Variants in SEM1 observed in about 807,000 individuals in gnomAD.
The protein encoded by SEM1 is SEM1 26S proteasome subunit, also known as 26S proteasome complex subunit SEM1.
Under a neutral mutation model 12.7 loss-of-function variants are expected in SEM1, and 3 were observed. The observed-to-expected ratio is 0.24, with a 90% CI of 0.11 to 0.61. The LOEUF is 0.61. Ranked by LOEUF, SEM1 falls within the 20% of genes least tolerant of loss-of-function variation. The pLI is 0.88. For synonymous variants in SEM1, 30 were observed against 27.8 expected, an observed-to-expected ratio of 1.08 and a Z score of -0.25; for missense variants, 59 against 81.3, an observed-to-expected ratio of 0.73 and a Z score of 1.06.
chr7:96,639,111 T>C (rs533270598), intron 2 of SEM1, among the ~76,000 whole-genome samples: 1 of 152,158 alleles, frequency 6.6e-6, no homozygotes, highest in East Asian at 1.9e-4. Context: ...CTTTGTCAAG[T>C]ACTCTTAATA....
downstream of SEM1, among the ~76,000 whole-genome samples, chr7:96,670,974 C>G (rs1450709279): frequency 6.6e-6 from 1 of 152,144 alleles, no homozygotes; most frequent in Non-Finnish European, 1.5e-5. Flanking sequence ...TTTGTTGATT[C>G]CACGAAAATG....
At chr7:96,532,936 A>G (rs1182211422) in intron 2 of SEM1, among the ~76,000 whole-genome samples, 1 of 152,046 alleles carries the variant, frequency 6.6e-6, no homozygotes, top group Non-Finnish European at 1.5e-5. Flanking sequence ...CCTGAACTGC[A>G]CTTGCTAATA....
intron 2 of SEM1, among the ~76,000 whole-genome samples, chr7:96,636,831 G>A (rs1808442702): frequency 6.6e-6 from 1 of 152,042 alleles, no homozygotes; most frequent in African/African-American, 2.4e-5. Context: ...TGTTATTGCT[G>A]TGGGTTTTGG....
intron 2 of SEM1, among the ~76,000 whole-genome samples, chr7:96,564,130 C>CA (rs1805774598): frequency 6.6e-6 from 1 of 151,944 alleles, no homozygotes; most frequent in African/African-American, 2.4e-5. Context: ...GATAAATAGA[C>CA]AATGATAAAT....
chr7:96,655,171 C>A (rs1038038901), intron 2 of SEM1, among the ~76,000 whole-genome samples: 2 of 152,046 alleles, frequency 1.3e-5, no homozygotes, highest in Admixed American at 1.3e-4. Context: ...AGCAGAGGTA[C>A]CAGAGATTAA....
At chr7:96,554,520 C>G (rs1017070698) in intron 2 of SEM1, among the ~76,000 whole-genome samples, 2 of 144,332 alleles carry the variant, frequency 1.4e-5, no homozygotes, top group African/African-American at 2.6e-5. Context: ...GTATATTGAA[C>G]CAGCCTTGCA....
At chr7:96,691,112 G>A (rs940541666) in intron 2 of SEM1, among the ~76,000 whole-genome samples, 2 of 152,110 alleles carry the variant, frequency 1.3e-5, no homozygotes, top group Middle Eastern at 6.8e-3. Flanking sequence ...CGTGAAATAG[G>A]GTTGAGAAAA....
chr7:96,681,884 A>C (rs1034826683), intron 2 of SEM1, among the ~76,000 whole-genome samples: 5 of 152,104 alleles, frequency 3.3e-5, no homozygotes, highest in African/African-American at 1.2e-4. Context: ...TTTTGGTTTC[A>C]TATGAAATTT....
chr7:96,697,187 C>A (rs1412464262), intron 1 of SEM1: 8 of 149,318 alleles, frequency 5.4e-5, no homozygotes, highest in Non-Finnish European at 7.4e-5. Flanking sequence ...AAAAAAAAAA[C>A]CCTACATTTT....
chr7:96,486,461 G>T, intron 1 of SEM1: 1 of 1,494,494 alleles, frequency 6.7e-7, no homozygotes. Flanking sequence ...TTTCAGGCTG[G>T]CAGGAGGTGA....
chr7:96,654,997 C>T (rs886855255), intron 2 of SEM1, among the ~76,000 whole-genome samples: 3 of 152,140 alleles, frequency 2.0e-5, no homozygotes, highest in East Asian at 3.9e-4. Flanking sequence ...GGCTCCAGGC[C>T]AGTAGTTGAC....
intron 2 of SEM1, among the ~76,000 whole-genome samples, chr7:96,520,859 G>C (rs936708858): frequency 6.6e-6 from 1 of 152,064 alleles, no homozygotes; most frequent in Non-Finnish European, 1.5e-5. Flanking sequence ...TTATCGGAGA[G>C]AGTCTGGCCC....
chr7:96,521,816 G>C (rs4427102), intron 2 of SEM1, among the ~76,000 whole-genome samples: 1 of 151,856 alleles, frequency 6.6e-6, no homozygotes, highest in African/African-American at 2.4e-5. Flanking sequence ...CCTGGGGTTT[G>C]CCATTCTCTG....
At chr7:96,547,045 A>G (rs1805122276) in intron 2 of SEM1, among the ~76,000 whole-genome samples, 1 of 152,142 alleles carries the variant, frequency 6.6e-6, no homozygotes, top group Non-Finnish European at 1.5e-5. Context: ...GTGAGCTTAG[A>G]CTACAAGAAC....
At chr7:96,581,370 G>T (rs1477260479) in intron 2 of SEM1, among the ~76,000 whole-genome samples, 1 of 152,080 alleles carries the variant, frequency 6.6e-6, no homozygotes, top group African/African-American at 2.4e-5. Context: ...TTTGGTGACT[G>T]TAGCCTTGTA....
intron 2 of SEM1, among the ~76,000 whole-genome samples, chr7:96,513,386 C>T (rs754453379): frequency 1.6e-4 from 24 of 152,042 alleles, no homozygotes; most frequent in Non-Finnish European, 2.9e-4. Flanking sequence ...CCCCAGGAAA[C>T]TCATACAAAA....
chr7:96,646,934 A>G (rs1014204297), intron 2 of SEM1, among the ~76,000 whole-genome samples: 3 of 152,218 alleles, frequency 2.0e-5, no homozygotes, highest in African/African-American at 7.2e-5. Flanking sequence ...TTGGTTTTGA[A>G]GGAATGTTTG....
intron 3 of SEM1, among the ~76,000 whole-genome samples, chr7:96,506,107 A>T (rs913869929): frequency 6.6e-6 from 1 of 152,008 alleles, no homozygotes; most frequent in Non-Finnish European, 1.5e-5. Flanking sequence ...GAGCCTCTTT[A>T]TTTTGGTTCC....
chr7:96,642,215 C>T (rs560030767), intron 2 of SEM1, among the ~76,000 whole-genome samples: 2 of 152,150 alleles, frequency 1.3e-5, no homozygotes, highest in East Asian at 3.9e-4. Context: ...CTAGTCTACA[C>T]ATTGATCCAC....
Sources: allele counts gnomAD v4.1 joint callset (sites outside exome capture counted in the v4.1 genomes callset), GRCh38; gene constraint gnomAD v4.1.1; transcripts MANE v1.5; gene names NCBI Gene and HGNC (gene_info 2026-07-23, HGNC 2026-07-21).